The following RNF44 variants were observed in gnomAD, a reference collection of about 807,000 sequenced individuals.
RNF44 encodes ring finger protein 44.
Under a neutral mutation model 53.6 loss-of-function variants are expected in RNF44, and 25 were observed. The ratio of observed to expected loss-of-function variants is 0.47; its 90% CI spans 0.34 to 0.65. The LOEUF (loss-of-function observed/expected upper bound fraction) is 0.65, where lower values mean the gene tolerates loss of function less well. Among genes scored for constraint, RNF44 ranks in the 30% least tolerant of loss-of-function variants. RNF44 has a pLI of 0.01. For missense variants in RNF44, 581 were observed against 595.5 expected (o/e 0.98, Z 0.25); for synonymous variants, 282 against 252.2 (o/e 1.12, Z -1.12).
chr5:176,531,686 ACT>A lies in RNF44; in HGVS notation c.298-58_298-57del. 6.6e-7 allele frequency: 1 copy of A among 1,516,232 alleles called. No individual in the cohort carries two copies. Among genetic ancestry groups the A allele is most frequent in the Non-Finnish European group, 8.9e-7 (1 of 1,120,740 alleles). The allele number at this position is 1,516,232 out of a possible 1,614,324, so 93.9% of individuals were successfully genotyped here. On this transcript the variant is annotated intron_variant, in intron 3 of 10. Transcript: ENST00000274811. The surrounding 1 kb of genome is among the most constrained non-coding windows in gnomAD (Gnocchi z 4.2). ...GAAAAGGAAGCTGACCGCGAGGGCTACTCTCAGGAGAAATCATCCTGCCACAT... is the reference window on the plus strand; with the variant it reads ...GAAAAGGAAGCTGACCGCGAGGGCTACTCAGGAGAAATCATCCTGCCACAT...
intron 1 of RNF44, among the ~76,000 whole-genome samples, chr5:176,533,463 A>C (rs879428613): frequency 6.6e-6 from 1 of 152,174 alleles, no homozygotes; most frequent in Non-Finnish European, 1.5e-5. Flanking sequence ...TAAAGCTGGG[A>C]GGTGGGCCAA....
chr5:176,535,333 G>C (rs549065377), intron 1 of RNF44, among the ~76,000 whole-genome samples: 2 of 152,180 alleles, frequency 1.3e-5, no homozygotes, highest in South Asian at 4.1e-4. Context: ...TAGCGAATAC[G>C]ACACGCTGAC....
Position 176,530,581 on chromosome 5 carries a change from C to T in RNF44, c.801+1G>A. The T allele has an allele frequency of 6.9e-7, 1 of 1,447,408 alleles. No individual in the cohort carries two copies. The allele number at this position is 1,447,408 out of a possible 1,614,324, so 89.7% of individuals were successfully genotyped here. On this transcript the variant is annotated splice_donor_variant, in intron 6 of 10. Coordinates refer to ENST00000274811, the MANE Select transcript of RNF44 (RefSeq NM_014901.5). LOFTEE classifies it high-confidence loss of function. The stretch of plus-strand genomic sequence containing the variant: ...CAGGTGGGGGTCGGGGTGGCACTCA[C>T]CACACCAAAGGACAGCTCCTGGTGC...
chr5:176,541,505 A>G (rs915230361), upstream of RNF44, among the ~76,000 whole-genome samples: 12 of 152,160 alleles, frequency 7.9e-5, no homozygotes, highest in Admixed American at 6.5e-4. Context: ...ATGGCTCCAG[A>G]TCAGAGTGGA....
At chr5:176,542,052 T>C (rs2963295), upstream of RNF44, among the ~76,000 whole-genome samples, 134,055 of 152,234 alleles carry the variant, frequency 0.88, 59,394 homozygotes, top group Non-Finnish European at 0.94. Flanking sequence ...CAGATGGCGG[T>C]GAGGGCAGGG....
At chr5:176,533,339 T>C (rs1186390806) in intron 1 of RNF44, among the ~76,000 whole-genome samples, 1 of 152,228 alleles carries the variant, frequency 6.6e-6, no homozygotes, top group African/African-American at 2.4e-5. Flanking sequence ...CCACTGTGCC[T>C]ATCCACGAGT....
chr5:176,539,280 A>G (rs1208310715), upstream of RNF44, among the ~76,000 whole-genome samples: 1 of 152,254 alleles, frequency 6.6e-6, no homozygotes, highest in Admixed American at 6.5e-5. Context: ...GTGCATGAGA[A>G]TAAGTGTGGC....
chr5:176,529,012 A>C lies in RNF44; in HGVS notation c.*16T>G. On this transcript the variant is annotated 3_prime_UTR_variant, in exon 11 of 11. Coordinates refer to ENST00000274811, the MANE Select transcript of RNF44 (RefSeq NM_014901.5). Reference sequence around the variant, plus strand: ...AGCTTCAGGCAGGGTTCTCCCGGGCAGGCGGCTGCGTGGCCTCACTCAGCC... The same window carrying C: ...AGCTTCAGGCAGGGTTCTCCCGGGCCGGCGGCTGCGTGGCCTCACTCAGCC... The C allele has an allele frequency of 6.2e-7, 1 of 1,608,854 alleles. No homozygotes were observed. The highest frequency in any genetic ancestry group is 8.5e-7 in the Non-Finnish European group (1 of 1,178,020).
upstream of RNF44, among the ~76,000 whole-genome samples, chr5:176,539,461 G>T (rs528460875): frequency 9.9e-5 from 15 of 152,126 alleles, no homozygotes; most frequent in Non-Finnish European, 1.3e-4. Flanking sequence ...AGATCCAGGC[G>T]GGCAGATCAC....
Position 176,531,430 on chromosome 5 carries a change from C to A in RNF44, c.465+33G>T. The A allele has an allele frequency of 1.3e-6, 2 of 1,536,560 alleles. No individual in the cohort carries two copies. Among genetic ancestry groups the A allele is most frequent in the Non-Finnish European group, 1.8e-6 (2 of 1,140,800 alleles). ...GCTGGCCTGTGCCTGGGGCTTGCAG[C>A]TGGTGGAGGAGGAGCTAGAAACACT... On this transcript the variant is annotated intron_variant, in intron 4 of 10. Coordinates refer to ENST00000274811, the MANE Select transcript of RNF44 (RefSeq NM_014901.5). This position sits in a 1 kb window ranked among gnomAD's most constrained non-coding sequence, Gnocchi z 4.2.
chr5:176,530,547 C>T (rs1319575563), intron 6 of RNF44, 35 bp downstream of exon 6: 22 of 1,397,518 alleles, frequency 1.6e-5, no homozygotes, highest in Admixed American at 3.8e-5. Context: ...TCCCAGCTGC[C>T]CTGGAGCCCA....
In RNF44 at chr5:176,530,841, G is replaced by A. The variant is rs374423869; in HGVS notation, c.639+7C>T. 57 of 1,194,920 alleles carry A rather than the reference G, an allele frequency of 4.8e-5. No individual in the cohort carries two copies. The highest frequency in any genetic ancestry group is 2.3e-4 in the Middle Eastern group (1 of 4,400). 74.0% of individuals were successfully genotyped at this position (1,194,920 alleles called of 1,614,324 possible). On this transcript the variant is annotated splice_region_variant and intron_variant, in intron 5 of 10. Coordinates refer to ENST00000274811, the MANE Select transcript of RNF44 (RefSeq NM_014901.5). ...CTCCCTCCAGCATCGGACCCATGCCGACTCACCATCCGAGGGTGCTGGGTC... is the reference window on the plus strand; with the variant it reads ...CTCCCTCCAGCATCGGACCCATGCCAACTCACCATCCGAGGGTGCTGGGTC...
intron 1 of RNF44, among the ~76,000 whole-genome samples, chr5:176,533,461 G>A (rs987173662): frequency 6.6e-6 from 1 of 152,204 alleles, no homozygotes; most frequent in Middle Eastern, 3.2e-3. Flanking sequence ...GTTAAAGCTG[G>A]GAGGTGGGCC....
chr5:176,530,904 TGGGCTGGGGGGGTG>T lies in RNF44; in HGVS notation c.569_582del (p.Pro190HisfsTer137). ...AACTGCCCCAGGGGCGCCATGTGGGTGGGCTGGGGGGGTGGGGCCGGTGGTGGGGGGTGCAGGAT... is the reference window on the plus strand; with the variant it reads ...AACTGCCCCAGGGGCGCCATGTGGGTGGGCCGGTGGTGGGGGGTGCAGGAT... On this transcript the variant is annotated frameshift_variant, in exon 5 of 11. Transcript: ENST00000274811. LOFTEE classifies it high-confidence loss of function. 4 of 89,898 alleles carry T rather than the reference TGGGCTGGGGGGGTG, an allele frequency of 4.4e-5. No homozygotes were observed. The highest frequency in any genetic ancestry group is 8.2e-5 in the Non-Finnish European group (4 of 48,892). 5.6% of individuals were successfully genotyped at this position (89,898 alleles called of 1,614,324 possible). A position where few individuals can be genotyped will look rare whatever the true frequency, so the allele number is the denominator to read the frequency against.
intron 9 of RNF44, 43 bp from the exon 10 acceptor site, chr5:176,529,430 G>A: frequency 6.2e-7 from 1 of 1,603,934 alleles, no homozygotes; most frequent in Non-Finnish European, 8.5e-7. Context: ...TGAGGGCCAT[G>A]GGAAGGCTCA....
Position 176,528,348 on chromosome 5 carries a change from TC to T in RNF44, c.*679del, listed in dbSNP as rs1756229674. On this transcript the variant is annotated 3_prime_UTR_variant, in exon 11 of 11. Transcript: ENST00000274811. ...ACCACCGGGAACACAGGGCTCCCTC[TC>T]CCCGTATGGCCCAAGCCCCTCAGGA... is the stretch of plus-strand genomic sequence containing the variant. 1 of 151,916 alleles carries T rather than the reference TC, an allele frequency of 6.6e-6. No individual in the cohort carries two copies. The highest frequency in any genetic ancestry group is 6.6e-5 in the Admixed American group (1 of 15,250). 9.4% of individuals were successfully genotyped at this position (151,916 alleles called of 1,614,324 possible).
chr5:176,531,972 G>A lies in RNF44; in HGVS notation c.297+32C>T, dbSNP rs111530573. The A allele has an allele frequency of 6.3e-7, 1 of 1,579,092 alleles. No homozygotes were observed. ...TCTGCCTCTCAGACTGGCTCACAGG[G>A]CCAGGGGCACAGGGGATGGGGTTCT... On this transcript the variant is annotated intron_variant, in intron 3 of 10. Transcript: ENST00000274811. This position sits in a 1 kb window ranked among gnomAD's most constrained non-coding sequence, Gnocchi z 4.2.
At chr5:176,529,450 G>C (rs1390918316) in intron 9 of RNF44, 63 bp from the exon 10 acceptor site, 1 of 1,604,624 alleles carries the variant, frequency 6.2e-7, no homozygotes, top group African/African-American at 1.3e-5. Context: ...AGTGGAGTGT[G>C]ACTCCCCTGA....
chr5:176,532,977 C>T (rs1300463500), intron 1 of RNF44, among the ~76,000 whole-genome samples: 3 of 152,124 alleles, frequency 2.0e-5, no homozygotes, highest in Admixed American at 6.5e-5. Context: ...GACCCAGTCC[C>T]CCTCAGTTGC....
Sources: gnomAD v4.1 joint callset for allele counts (sites outside exome capture counted in the v4.1 genomes callset) on GRCh38, gnomAD v4.1.1 for gene constraint, Gnocchi (gnomAD v3.1) non-coding constraint, MANE v1.5 for transcripts, NCBI Gene and HGNC (gene_info 2026-07-23, HGNC 2026-07-21) for gene names.